Variants in RAB5A observed in about 807,000 individuals in gnomAD.
The protein encoded by RAB5A is ras-related protein Rab-5A.
Under a neutral mutation model 25.7 loss-of-function variants are expected in RAB5A, and 8 were observed. The observed-to-expected ratio is 0.31, with a 90% CI of 0.18 to 0.56. RAB5A has a LOEUF of 0.56. Ranked by LOEUF, RAB5A falls within the 20% of genes least tolerant of loss-of-function variation. RAB5A has a pLI of 0.91. For missense variants in RAB5A, 192 were observed against 259.7 expected (o/e 0.74, Z 1.79); for synonymous variants, 98 against 89.8 (o/e 1.09, Z -0.52).
At chr3:19,964,932 A>G (rs1187212830) in intron 2 of RAB5A, among the ~76,000 whole-genome samples, 1 of 151,700 alleles carries the variant, frequency 6.6e-6, no homozygotes, top group East Asian at 1.9e-4. Flanking sequence ...TTACTTACTT[A>G]CTTTATTTAT....
intron 4 of RAB5A, among the ~76,000 whole-genome samples, chr3:19,977,318 C>CCT (rs1696841341): frequency 6.6e-6 from 1 of 152,162 alleles, no homozygotes; most frequent in Non-Finnish European, 1.5e-5. Context: ...TTGTGATCCA[C>CCT]CCGCCTCCGC....
intron 5 of RAB5A, among the ~76,000 whole-genome samples, chr3:19,982,538 A>AG (rs991408234): frequency 1.3e-5 from 2 of 152,128 alleles, no homozygotes; most frequent in African/African-American, 4.8e-5. Context: ...TTACTCTGCA[A>AG]GGTGTAAGTT....
At chr3:19,950,472 G>A (rs1696407018) in intron 1 of RAB5A, among the ~76,000 whole-genome samples, 1 of 152,172 alleles carries the variant, frequency 6.6e-6, no homozygotes, top group Non-Finnish European at 1.5e-5. Context: ...ATAACTGTGT[G>A]ACCTCAATTA....
chr3:19,961,637 T>C (rs926011314), intron 2 of RAB5A, among the ~76,000 whole-genome samples: 3 of 152,224 alleles, frequency 2.0e-5, no homozygotes, highest in Non-Finnish European at 4.4e-5. Flanking sequence ...TAACTGCCTT[T>C]AATCAAATGC....
At chr3:19,954,633 C>A (rs954356596) in intron 2 of RAB5A, among the ~76,000 whole-genome samples, 1 of 152,068 alleles carries the variant, frequency 6.6e-6, no homozygotes, top group African/African-American at 2.4e-5. Flanking sequence ...GCCTGGCCAA[C>A]ATAGCAAAAC....
intron 4 of RAB5A, 119 bp downstream of exon 4, chr3:19,976,288 T>C: frequency 8.8e-7 from 1 of 1,140,604 alleles, no homozygotes; most frequent in South Asian, 1.7e-5. Context: ...ATACTGATTT[T>C]TAAAACAAAT....
chr3:19,947,110 C>CAGCGACGT lies in RAB5A; in HGVS notation c.-504_-497dup, dbSNP rs1427138944. ...ACGAAGTGGCGCAGTTCGCTGCGTGCAGCGACGTGGCGGCGGGGCCGGCAC... is the reference window on the plus strand; with the variant it reads ...ACGAAGTGGCGCAGTTCGCTGCGTGCAGCGACGTAGCGACGTGGCGGCGGGGCCGGCAC... On this transcript the variant is annotated 5_prime_UTR_variant, in exon 1 of 6. Coordinates refer to ENST00000273047, the MANE Select transcript of RAB5A (RefSeq NM_004162.5). The CAGCGACGT allele has an allele frequency of 6.4e-6, 1 of 156,848 alleles. No individual in the cohort carries two copies. The highest frequency in any genetic ancestry group is 1.4e-5 in the Non-Finnish European group (1 of 71,184). The allele number at this position is 156,848 out of a possible 1,614,324, so 9.7% of individuals were successfully genotyped here.
rs780583803 is a variant in RAB5A, at chr3:19,983,728, G to A, written c.553G>A (p.Glu185Lys). The A allele has an allele frequency of 9.3e-6, 15 of 1,610,660 alleles. No individual in the cohort carries two copies. The highest frequency in any genetic ancestry group is 1.3e-5 in the Non-Finnish European group (15 of 1,177,958). Residue 185 changes from glutamate to lysine, a missense_variant, in exon 6 of 6, where the codon GAA (glutamate) becomes AAA (lysine). Physicochemically the swap from Glu to Lys is moderately conservative, Grantham distance 56. This residue lies in a region of RAB5A where 121 missense variants were observed against 135.7 expected (regional missense o/e 0.89). Coordinates refer to ENST00000273047, the MANE Select transcript of RAB5A (RefSeq NM_004162.5). ...TTCAGCTAAAAAATTGCCAAAGAAT[G>A]AACCACAAAATCCAGGAGCAAATTC... Reference protein sequence around the residue: ...MAIAKKLPKNEPQNPGANSAR... With the variant: ...MAIAKKLPKNKPQNPGANSAR...
At chr3:19,972,775 A>T (rs954606613) in intron 2 of RAB5A, among the ~76,000 whole-genome samples, 2 of 152,134 alleles carry the variant, frequency 1.3e-5, no homozygotes, top group African/African-American at 2.4e-5. Flanking sequence ...TATTTGTTGC[A>T]ATTTCTTTGT....
rs574451798 is a variant in RAB5A at position 19,983,829 on chromosome 3, T to C, written c.*6T>C. 2 of 1,535,976 alleles carry C rather than the reference T, an allele frequency of 1.3e-6. No individual in the cohort carries two copies. The highest frequency in any genetic ancestry group is 1.7e-5 in the Admixed American group (1 of 59,602). On this transcript the variant is annotated 3_prime_UTR_variant, in exon 6 of 6. Coordinates refer to ENST00000273047, the MANE Select transcript of RAB5A (RefSeq NM_004162.5). ...ATCAGTGTTGTAGTAACTAAACCTC[T>C]AGTTTGAACTAGCTGGAATAGTCTT...
At position 19,947,266 on chromosome 3, in the gene RAB5A, CCGGCGGCGGCGG is replaced by C. The variant is rs67898127; in HGVS notation, c.-339_-328del. ...GGAAGAATTAGTCGGAACTCCAGCG[CCGGCGGCGGCGG>C]CGGCGGCGGAGGAGGAGAAAGGAAA... On this transcript the variant is annotated 5_prime_UTR_variant, in exon 1 of 6. Transcript: ENST00000273047. 12 of 183,042 alleles carry C rather than the reference CCGGCGGCGGCGG, an allele frequency of 6.6e-5. No homozygotes were observed. The highest frequency in any genetic ancestry group is 5.8e-4 in the South Asian group (6 of 10,350). The allele number at this position is 183,042 out of a possible 1,614,324, so 11.3% of individuals were successfully genotyped here.
chr3:19,963,612 T>C (rs1438384027), intron 2 of RAB5A, among the ~76,000 whole-genome samples: 1 of 152,088 alleles, frequency 6.6e-6, no homozygotes, highest in Non-Finnish European at 1.5e-5. Flanking sequence ...AGTCTTCTTT[T>C]CTATTATGTT....
chr3:19,973,117 G>A (rs975731649), intron 2 of RAB5A, among the ~76,000 whole-genome samples: 1 of 152,162 alleles, frequency 6.6e-6, no homozygotes, highest in Admixed American at 6.5e-5. Context: ...ATGTGCTTAG[G>A]TTATATACAC....
At chr3:19,959,020 A>G (rs1238870040) in intron 2 of RAB5A, among the ~76,000 whole-genome samples, 1 of 152,194 alleles carries the variant, frequency 6.6e-6, no homozygotes, top group East Asian at 1.9e-4. Context: ...AGTCAATACA[A>G]TTTAACTTTT....
chr3:19,974,722 G>GAAAAAAAAA lies in RAB5A; in HGVS notation c.164-874_164-873insAAAAAAAAA, dbSNP rs151258629. On this transcript the variant is annotated intron_variant, in intron 2 of 5. Coordinates refer to ENST00000273047, the MANE Select transcript of RAB5A (RefSeq NM_004162.5). Reference sequence around the variant, plus strand: ...GGAGATAGAGCAAGACTGTGTCTCAGAAAAAGAAAAAAAAAGATAATATAA... The same window carrying GAAAAAAAAA: ...GGAGATAGAGCAAGACTGTGTCTCAGAAAAAAAAAAAAAAGAAAAAAAAAGATAATATAA... Among the ~76,000 whole-genome samples, 104 of 141,930 alleles carry GAAAAAAAAA rather than the reference G, an allele frequency of 7.3e-4. 1 individual carries two copies. The highest frequency in any genetic ancestry group is 9.9e-4 in the East Asian group (5 of 5,040). 93.1% of individuals were successfully genotyped at this position (141,930 alleles called of 152,430 possible). A position where few individuals can be genotyped will look rare whatever the true frequency, so the allele number is the denominator to read the frequency against.
At chr3:19,975,580 A>C in intron 2 of RAB5A, 21 bp from the exon 3 acceptor site, 1 of 1,607,480 alleles carries the variant, frequency 6.2e-7, no homozygotes, top group Non-Finnish European at 8.5e-7. Flanking sequence ...TGATTGACTT[A>C]TTGTAGTCCT....
intron 2 of RAB5A, among the ~76,000 whole-genome samples, chr3:19,963,839 A>G (rs1696625433): frequency 1.3e-5 from 2 of 151,996 alleles, no homozygotes; most frequent in Non-Finnish European, 2.9e-5. Context: ...GAGTCTTGCT[A>G]TGTTGCCCAG....
At chr3:19,961,582 C>G (rs1464168624) in intron 2 of RAB5A, among the ~76,000 whole-genome samples, 1 of 152,136 alleles carries the variant, frequency 6.6e-6, no homozygotes, top group African/African-American at 2.4e-5. Flanking sequence ...ATTATCACCA[C>G]CATTTTCATT....
rs376953269 is a variant in RAB5A at position 19,965,731 on chromosome 3, TTTCC to T, written c.164-9859_164-9856del. 3.8e-4 allele frequency among the ~76,000 whole-genome samples: 58 copies of T among 152,240 alleles called. 1 individual carries two copies. The East Asian group carries it at 8.1e-3, about 21-fold the overall frequency. Reference sequence around the variant, plus strand: ...TGTTGCTCATAGATTTTTATATTTGTTTCCTTCCTTCCTTTATTTTTTGGGGCAG... The same window carrying T: ...TGTTGCTCATAGATTTTTATATTTGTTTCCTTCCTTTATTTTTTGGGGCAG... On this transcript the variant is annotated intron_variant, in intron 2 of 5. Coordinates refer to ENST00000273047, the MANE Select transcript of RAB5A (RefSeq NM_004162.5).
Sources: allele counts gnomAD v4.1 joint callset (sites outside exome capture counted in the v4.1 genomes callset), GRCh38; gene constraint gnomAD v4.1.1; regional missense constraint gnomAD v4.1.1; transcripts MANE v1.5; gene names NCBI Gene and HGNC (gene_info 2026-07-23, HGNC 2026-07-21).